Variants in NEK1 observed in about 807,000 individuals in gnomAD.
NEK1 encodes the protein NIMA related kinase 1, also known as serine/threonine-protein kinase Nek1.
In NEK1, 137 loss-of-function variants were observed where a neutral mutation model predicts 182.1. The ratio of observed to expected loss-of-function variants is 0.75; its 90% CI spans 0.65 to 0.87. The LOEUF (loss-of-function observed/expected upper bound fraction) is 0.87, where lower values mean the gene tolerates loss of function less well. Among genes scored for constraint, NEK1 ranks in the 40% least tolerant of loss-of-function variants. The pLI is 0.00. For missense variants in NEK1, 1,391 were observed against 1,494.4 expected (o/e 0.93, Z 1.14); for synonymous variants, 513 against 492.2 (o/e 1.04, Z -0.56).
At chr4:169,608,394 A>G (rs1280098430) in intron 2 of NEK1, among the ~76,000 whole-genome samples, 1 of 152,162 alleles carries the variant, frequency 6.6e-6, no homozygotes, top group African/African-American at 2.4e-5. Context: ...CCATGTGGGG[A>G]AAAAAAGTTA....
intron 28 of NEK1, among the ~76,000 whole-genome samples, chr4:169,434,921 A>G (rs1460079168): frequency 6.6e-6 from 1 of 152,196 alleles, no homozygotes; most frequent in Non-Finnish European, 1.5e-5. Flanking sequence ...TATTCTATAA[A>G]CTTGACTTAT....
intron 35 of NEK1, among the ~76,000 whole-genome samples, chr4:169,398,472 T>C (rs552287227): frequency 2.6e-5 from 4 of 152,214 alleles, no homozygotes; most frequent in South Asian, 2.1e-4. Context: ...ATACCAAAAA[T>C]AGCTGTCCTC....
chr4:169,542,652 C>T (rs2149835832), intron 18 of NEK1, among the ~76,000 whole-genome samples: 1 of 152,062 alleles, frequency 6.6e-6, no homozygotes, highest in South Asian at 2.1e-4. Flanking sequence ...TCTACATCCT[C>T]TCCAGCATCT....
Position 169,555,933 on chromosome 4 carries a change from T to C in NEK1, c.1429A>G (p.Arg477Gly), listed in dbSNP as rs1396744240. 5.6e-6 allele frequency: 9 copies of C among 1,613,404 alleles called. No homozygotes were observed. The highest frequency in any genetic ancestry group is 3.3e-5 in the Admixed American group (2 of 59,936). ...AACTTCTGCAGAACATAGCCATACC[T>C]TTCTGGAAGACCTCGACCATATATT... ...REIYGRGLPE[R>G]GILPGVRPGF... The change falls in exon 17 of 36, where the codon AGA becomes GGA. Residue 477 changes from arginine to glycine, a missense_variant and splice_region_variant. Transcript: ENST00000507142.
intron 23 of NEK1, among the ~76,000 whole-genome samples, chr4:169,487,060 T>C (rs111922165): frequency 1.3e-5 from 2 of 152,264 alleles, no homozygotes; most frequent in African/African-American, 4.8e-5. Context: ...TAAATCCCAA[T>C]TGGTACTACA....
chr4:169,451,591 G>A (rs1050813389), intron 27 of NEK1, among the ~76,000 whole-genome samples: 25 of 152,174 alleles, frequency 1.6e-4, no homozygotes, highest in Admixed American at 2.0e-4. Context: ...AAACCAATGA[G>A]AACAAAGACA....
At chr4:169,524,081 A>G (rs1756514446) in intron 19 of NEK1, among the ~76,000 whole-genome samples, 2 of 152,242 alleles carry the variant, frequency 1.3e-5, no homozygotes, top group African/African-American at 2.4e-5. Context: ...CATGTGTACC[A>G]GGATATATCT....
At chr4:169,428,351 G>GCTATATATATATATAT (rs1736768039) in intron 29 of NEK1, among the ~76,000 whole-genome samples, 1 of 93,224 alleles carries the variant, frequency 1.1e-5, no homozygotes, top group Non-Finnish European at 2.2e-5. Context: ...AAATATATGG[G>GCTATATATATATATAT]ATATATATAT....
intron 4 of NEK1, 45 bp downstream of exon 4, chr4:169,601,963 T>C (rs765593738): frequency 3.7e-6 from 5 of 1,353,750 alleles, no homozygotes; most frequent in East Asian, 4.6e-5. Context: ...AAAAGATTTA[T>C]TAATGTCTTA....
chr4:169,490,407 A>G (rs1459843347), intron 23 of NEK1, among the ~76,000 whole-genome samples: 2 of 152,188 alleles, frequency 1.3e-5, no homozygotes, highest in Non-Finnish European at 2.9e-5. Flanking sequence ...TATCAATGCA[A>G]GGACACAAGA....
chr4:169,541,675 G>A (rs1203054145), intron 18 of NEK1, among the ~76,000 whole-genome samples: 1 of 152,136 alleles, frequency 6.6e-6, no homozygotes, highest in African/African-American at 2.4e-5. Context: ...CAGAGAAAAT[G>A]TCCTATAATG....
intron 18 of NEK1, among the ~76,000 whole-genome samples, chr4:169,543,276 G>A (rs1373161133): frequency 6.6e-6 from 1 of 152,088 alleles, no homozygotes; most frequent in African/African-American, 2.4e-5. Flanking sequence ...TATCGGGTTT[G>A]TTAAAGAGCA....
intron 2 of NEK1, 54 bp from the exon 3 acceptor site, chr4:169,602,732 A>G: frequency 1.6e-6 from 1 of 635,666 alleles, no homozygotes; most frequent in Non-Finnish European, 2.8e-6. Flanking sequence ...ATAACTTCAT[A>G]ACAATTTTAA....
intron 30 of NEK1, 112 bp from the exon 31 acceptor site, chr4:169,424,912 A>T: frequency 8.9e-7 from 1 of 1,121,268 alleles, no homozygotes; most frequent in Non-Finnish European, 1.2e-6. Flanking sequence ...CCCACATATC[A>T]GGAAAATAAA....
chr4:169,592,879 A>C (rs984350636), intron 5 of NEK1, among the ~76,000 whole-genome samples: 3 of 152,284 alleles, frequency 2.0e-5, no homozygotes, highest in African/African-American at 7.2e-5. Context: ...ATAATTGCAT[A>C]AGCTTTTTAA....
At chr4:169,460,573 G>T (rs1743781924) in intron 27 of NEK1, among the ~76,000 whole-genome samples, 1 of 151,490 alleles carries the variant, frequency 6.6e-6, no homozygotes, top group Non-Finnish European at 1.5e-5. Flanking sequence ...TATAAGAAAA[G>T]GTCTATTAAA....
At chr4:169,546,671 C>T (rs576589277) in intron 18 of NEK1, among the ~76,000 whole-genome samples, 81 of 152,110 alleles carry the variant, frequency 5.3e-4, no homozygotes, top group Non-Finnish European at 1.0e-3. Context: ...GTATTGGGTA[C>T]GTATATATTT....
chr4:169,398,564 A>C (rs1731109125), intron 35 of NEK1, among the ~76,000 whole-genome samples: 1 of 152,180 alleles, frequency 6.6e-6, no homozygotes, highest in Non-Finnish European at 1.5e-5. Flanking sequence ...AAAGACCAGC[A>C]CCAAATTTGT....
rs575370897 is a variant in NEK1 at position 169,409,873 on chromosome 4, A to G, written c.3223-3126T>C. ...ATTTCCCTGATGATTAGTGATGTTGAGCAGTTTTTCATATGTTTCTTGTTT... is the reference window on the plus strand; with the variant it reads ...ATTTCCCTGATGATTAGTGATGTTGGGCAGTTTTTCATATGTTTCTTGTTT... On this transcript the variant is annotated intron_variant, in intron 31 of 35. Transcript: ENST00000507142. Among the ~76,000 whole-genome samples the G allele has an allele frequency of 2.0e-5, 3 of 152,242 alleles. No individual in the cohort carries two copies. In the South Asian group the frequency reaches 6.2e-4, roughly 32 times the overall value.
Sources: allele counts gnomAD v4.1 joint callset (sites outside exome capture counted in the v4.1 genomes callset), GRCh38; gene constraint gnomAD v4.1.1; transcripts MANE v1.5; gene names NCBI Gene and HGNC (gene_info 2026-07-23, HGNC 2026-07-21).